The following ANK2 variants were observed in gnomAD, a reference collection of about 807,000 sequenced individuals.
ANK2 encodes the protein ankyrin-2.
Under a neutral mutation model 360.5 loss-of-function variants are expected in ANK2, and 83 were observed. The ratio of observed to expected loss-of-function variants is 0.23; its 90% CI spans 0.19 to 0.28. The LOEUF is 0.28. Ranked by LOEUF, ANK2 falls within the 10% of genes least tolerant of loss-of-function variation. ANK2 has a pLI of 1.00. For missense variants in ANK2, 4,201 were observed against 4,795.7 expected (o/e 0.88, Z 3.66); for synonymous variants, 1,740 against 1,759.5 (o/e 0.99, Z 0.28).
chr4:112,966,979 G>T (rs2037533172), intron 2 of ANK2, among the ~76,000 whole-genome samples: 1 of 152,108 alleles, frequency 6.6e-6, no homozygotes, highest in African/African-American at 2.4e-5. Flanking sequence ...GGTTCCTTTG[G>T]TATAAGAGTG....
chr4:113,001,739 T>C (rs1578748616), intron 2 of ANK2, among the ~76,000 whole-genome samples: 1 of 152,286 alleles, frequency 6.6e-6, no homozygotes, highest in East Asian at 1.9e-4. Flanking sequence ...AGTTTGAGTT[T>C]CTCTAAGCTT....
chr4:112,898,982 G>T (rs922499386), intron 1 of ANK2, among the ~76,000 whole-genome samples: 1 of 152,080 alleles, frequency 6.6e-6, no homozygotes, highest in African/African-American at 2.4e-5. Context: ...AATGACCACC[G>T]AGGAGGGTAT....
chr4:112,980,722 A>G (rs1195423968), intron 2 of ANK2, among the ~76,000 whole-genome samples: 1 of 152,204 alleles, frequency 6.6e-6, no homozygotes, highest in African/African-American at 2.4e-5. Flanking sequence ...CTCAGGGCAG[A>G]ATATATTTCT....
At chr4:113,066,428 A>G (rs1580570744) in intron 1 of ANK2, among the ~76,000 whole-genome samples, 1 of 152,226 alleles carries the variant, frequency 6.6e-6, no homozygotes, top group East Asian at 1.9e-4. Flanking sequence ...GCCAAATACA[A>G]GATACAAAAA....
At chr4:112,957,377 A>G (rs1296562621) in intron 2 of ANK2, among the ~76,000 whole-genome samples, 1 of 152,260 alleles carries the variant, frequency 6.6e-6, no homozygotes, top group East Asian at 1.9e-4. Context: ...AATTTTTCTT[A>G]GTACAGAACA....
chr4:113,205,214 C>G (rs1489508446), intron 4 of ANK2, among the ~76,000 whole-genome samples: 1 of 115,324 alleles, frequency 8.7e-6, no homozygotes, highest in Non-Finnish European at 1.6e-5. Context: ...CCAGTCTGGG[C>G]GACAGAGCAA....
chr4:112,722,920 C>T, the ANK2 span, among the ~76,000 whole-genome samples: 684 of 151,614 alleles, frequency 4.5e-3, 8 homozygotes, highest in Non-Finnish European at 7.7e-3. Flanking sequence ...GCCATGATCA[C>T]GCCACTGCAC....
the ANK2 span, among the ~76,000 whole-genome samples, chr4:112,800,098 G>A: frequency 2.6e-5 from 4 of 152,100 alleles, no homozygotes; most frequent in Admixed American, 6.5e-5. Flanking sequence ...TGCCATGCAC[G>A]ATGTTAATTA....
At chr4:112,872,591 C>A (rs2073577862) in intron 1 of ANK2, among the ~76,000 whole-genome samples, 2 of 152,242 alleles carry the variant, frequency 1.3e-5, no homozygotes, top group South Asian at 4.1e-4. Context: ...CCCACCTTGG[C>A]CTCCCAAAGT....
At chr4:113,318,104 GA>G (rs2083897438) in intron 25 of ANK2, among the ~76,000 whole-genome samples, 1 of 152,128 alleles carries the variant, frequency 6.6e-6, no homozygotes, top group Non-Finnish European at 1.5e-5. Context: ...TCCATTAAAG[GA>G]AAAAGTGAAG....
intron 1 of ANK2, among the ~76,000 whole-genome samples, chr4:113,061,094 G>C (rs1159535564): frequency 1.3e-5 from 2 of 152,048 alleles, no homozygotes; most frequent in Non-Finnish European, 2.9e-5. Context: ...TTGTTTACTG[G>C]CCCATCTAGA....
At chr4:113,220,760 T>C (rs559927111) in intron 4 of ANK2, among the ~76,000 whole-genome samples, 2 of 152,326 alleles carry the variant, frequency 1.3e-5, no homozygotes, top group South Asian at 2.1e-4. Flanking sequence ...AATTCAGCTA[T>C]TAAATTCAAA....
intron 2 of ANK2, among the ~76,000 whole-genome samples, chr4:112,988,217 A>G (rs1383560459): frequency 2.0e-5 from 3 of 152,226 alleles, no homozygotes; most frequent in Non-Finnish European, 4.4e-5. Flanking sequence ...CAGCAACTGG[A>G]ATGCAGCATT....
chr4:112,827,143 A>T (rs1579133218), intron 1 of ANK2: 1 of 1,124,920 alleles, frequency 8.9e-7, no homozygotes, highest in East Asian at 2.3e-5. Context: ...TTGAATGACT[A>T]CTTACAAGGC....
chr4:113,250,250 A>AT (rs2153603397), intron 10 of ANK2, among the ~76,000 whole-genome samples: 1 of 152,344 alleles, frequency 6.6e-6, no homozygotes, highest in East Asian at 1.9e-4. Context: ...GCAACACAAA[A>AT]TGAATCTTTT....
At chr4:112,889,799 T>C (rs1056067628) in intron 1 of ANK2, among the ~76,000 whole-genome samples, 9 of 152,194 alleles carry the variant, frequency 5.9e-5, no homozygotes, top group African/African-American at 9.6e-5. Flanking sequence ...GCGTGAGTTA[T>C]GTAATTGGCA....
At chr4:113,125,040 T>G (rs1051457273) in intron 1 of ANK2, among the ~76,000 whole-genome samples, 1 of 152,222 alleles carries the variant, frequency 6.6e-6, no homozygotes, top group African/African-American at 2.4e-5. Flanking sequence ...TGGTTAAGAC[T>G]AATGGTGTTA....
chr4:112,955,210 T>C (rs1214680145), intron 2 of ANK2, among the ~76,000 whole-genome samples: 2 of 148,492 alleles, frequency 1.3e-5, no homozygotes, highest in Non-Finnish European at 1.5e-5. Context: ...ATACTTTTTA[T>C]CTTTTTTAAT....
chr4:113,001,074 C>T (rs2050461806), intron 2 of ANK2, among the ~76,000 whole-genome samples: 1 of 152,098 alleles, frequency 6.6e-6, no homozygotes. Context: ...GTGGTTCACG[C>T]CTGTAATCCC....
Sources: gnomAD v4.1 joint callset for allele counts (sites outside exome capture counted in the v4.1 genomes callset) on GRCh38, gnomAD v4.1.1 for gene constraint, MANE v1.5 for transcripts, NCBI Gene and HGNC (gene_info 2026-07-23, HGNC 2026-07-21) for gene names.